The following ALOXE3 variants were observed in gnomAD, a reference collection of about 807,000 sequenced individuals.
The protein encoded by ALOXE3 is arachidonate epidermal lipoxygenase 3.
In ALOXE3, 78 loss-of-function variants were observed where a neutral mutation model predicts 87.5. The ratio of observed to expected loss-of-function variants is 0.89; its 90% CI spans 0.74 to 1.08. ALOXE3 has a LOEUF of 1.08. ALOXE3 is among the 50% of genes least tolerant of loss of function. The pLI, the probability that ALOXE3 is intolerant of heterozygous loss-of-function variation, is 0.00. For missense variants in ALOXE3, 946 were observed against 912.4 expected (o/e 1.04, Z -0.47); for synonymous variants, 363 against 370.8 (o/e 0.98, Z 0.24).
chr17:8,100,684 G>C (rs956068823), intron 15 of ALOXE3, among the ~76,000 whole-genome samples: 7 of 152,040 alleles, frequency 4.6e-5, no homozygotes, highest in Admixed American at 3.9e-4. Context: ...CACAGGCATG[G>C]TCATGCACAC....
At chr17:8,114,736 C>T in intron 5 of ALOXE3, 127 bp from the exon 6 acceptor site, 2 of 1,487,350 alleles carry the variant, frequency 1.3e-6, no homozygotes, top group Non-Finnish European at 1.8e-6. Context: ...CCTCCCCTGC[C>T]CTCTCTGCTC....
chr17:8,109,738 A>AGGAGACC (rs1979854997), intron 11 of ALOXE3, among the ~76,000 whole-genome samples, 178 bp downstream of exon 11: 1 of 151,298 alleles, frequency 6.6e-6, no homozygotes, highest in Middle Eastern at 3.2e-3. Context: ...GGGGGCCGGT[A>AGGAGACC]GGAGACCGGA....
intron 6 of ALOXE3, among the ~76,000 whole-genome samples, chr17:8,113,974 G>A (rs1055966409): frequency 1.2e-4 from 18 of 149,906 alleles, no homozygotes; most frequent in Admixed American, 2.0e-4. Context: ...GCGGTGAGCC[G>A]AGATCGCGGC....
At chr17:8,104,990 AGAC>A (rs1442600906) in intron 13 of ALOXE3, among the ~76,000 whole-genome samples, 11 of 152,104 alleles carry the variant, frequency 7.2e-5, no homozygotes, top group Non-Finnish European at 1.5e-4. Context: ...TCTGAGCTCC[AGAC>A]TCAGCCGTGG....
At chr17:8,117,318 G>T (rs1426978169) in intron 2 of ALOXE3, among the ~76,000 whole-genome samples, 1 of 152,224 alleles carries the variant, frequency 6.6e-6, no homozygotes, top group Non-Finnish European at 1.5e-5. Context: ...TACTTGGGAG[G>T]CTGAGGCAGG....
Position 8,109,726 on chromosome 17 carries a change from A to C in ALOXE3, c.1392+190T>G, listed in dbSNP as rs1349889715. Among the ~76,000 whole-genome samples, 5 of 149,542 alleles carry C rather than the reference A, an allele frequency of 3.3e-5. No individual in the cohort carries two copies. The East Asian group carries it at 9.8e-4, about 29-fold the overall frequency. On this transcript the variant is annotated intron_variant, in intron 11 of 15. Transcript: ENST00000448843. ...GGGGGCGGGGGAGACAGGGTCTGTG[A>C]AGGGGGCCGGTAGGAGACCGGAGAC...
intron 15 of ALOXE3, among the ~76,000 whole-genome samples, chr17:8,102,039 A>AGATGATGGGAACCAGTGATAAAGG (rs1297655435): frequency 6.6e-6 from 1 of 152,254 alleles, no homozygotes; most frequent in Non-Finnish European, 1.5e-5. Context: ...GTGGAAACAA[A>AGATGATGGGAACCAGTGATAAAGG]GATGATGGGA....
In ALOXE3 at chr17:8,096,759, C is replaced by T. The variant is rs576379012; in HGVS notation, c.2004G>A (p.Pro668=). 8 of 1,614,170 alleles carry T rather than the reference C, an allele frequency of 5.0e-6. No individual in the cohort carries two copies. The highest frequency in any genetic ancestry group is 2.2e-5 in the East Asian group (1 of 44,870). ...TCTGGAAGGCGGCGATGCTCCGCCT[C>T]GGGGCCTCCTCTGTGAAGTGCTCAT... ...YPDEHFTEEA[P]RRSIAAFQSR... Residue 668 remains proline, a synonymous_variant, in exon 16 of 16, where the codon CCG becomes CCA. Transcript: ENST00000448843.
At position 8,118,274 on chromosome 17, in the gene ALOXE3, C is replaced by T. The variant is rs1431541331; in HGVS notation, c.-284G>A. On this transcript the variant is annotated 5_prime_UTR_variant, in exon 2 of 16. In the 5' UTR this introduces an upstream ATG that the reference lacks. Coordinates refer to ENST00000448843, the MANE Select transcript of ALOXE3 (RefSeq NM_021628.3). ...ACAGCCGGTCCCTCTGGCTGGCTCA[C>T]CCAGATGGATATCAGGAGCCTGGGT... The T allele has an allele frequency of 1.3e-6, 2 of 1,551,626 alleles. No homozygotes were observed. The highest frequency in any genetic ancestry group is 3.9e-5 in the Admixed American group (2 of 50,972).
chr17:8,118,285 A>G lies in ALOXE3; in HGVS notation c.-295T>C, dbSNP rs575913104. 3.2e-4 allele frequency: 492 copies of G among 1,551,746 alleles called. No individual in the cohort carries two copies. The highest frequency in any genetic ancestry group is 1.5e-3 in the Admixed American group (78 of 50,998). On this transcript the variant is annotated 5_prime_UTR_variant, in exon 2 of 16. Coordinates refer to ENST00000448843, the MANE Select transcript of ALOXE3 (RefSeq NM_021628.3). ...CTCTGGCTGGCTCACCCAGATGGAT[A>G]TCAGGAGCCTGGGTTCCACTGCGGA...
At chr17:8,117,437 G>T (rs189800635) in intron 2 of ALOXE3, among the ~76,000 whole-genome samples, 1 of 152,142 alleles carries the variant, frequency 6.6e-6, no homozygotes, top group Non-Finnish European at 1.5e-5. Context: ...AAAAGAAAAA[G>T]GTGCCCGAGC....
At chr17:8,105,576 C>G (rs1456754069) in intron 13 of ALOXE3, among the ~76,000 whole-genome samples, 1 of 152,066 alleles carries the variant, frequency 6.6e-6, no homozygotes, top group African/African-American at 2.4e-5. Context: ...ACCTCAGCAC[C>G]TAGAACAATA....
intron 6 of ALOXE3, among the ~76,000 whole-genome samples, chr17:8,113,982 G>A (rs947580282): frequency 1.4e-4 from 21 of 151,592 alleles, no homozygotes; most frequent in East Asian, 3.9e-4. Context: ...CCGAGATCGC[G>A]GCACTGCACT....
chr17:8,107,947 A>G (rs1392115500), intron 13 of ALOXE3, among the ~76,000 whole-genome samples: 80 of 4,626 alleles, frequency 0.017, 4 homozygotes, highest in South Asian at 0.027. Flanking sequence ...GAAAGAAAGA[A>G]AGAAAGAAAG....
In ALOXE3 at chr17:8,109,363, C is replaced by A. The variant is rs774305049; in HGVS notation, c.1393-20G>T. The A allele has an allele frequency of 6.2e-6, 10 of 1,611,754 alleles. No homozygotes were observed. Among genetic ancestry groups the A allele is most frequent in the South Asian group, 1.1e-5 (1 of 90,912 alleles). ...CGTGACCTGAGGACACAGCACAGCTCGGCTCCCGGGCCGGCCCAATCCCCA... is the reference window on the plus strand; with the variant it reads ...CGTGACCTGAGGACACAGCACAGCTAGGCTCCCGGGCCGGCCCAATCCCCA... On this transcript the variant is annotated intron_variant, in intron 11 of 15. Transcript: ENST00000448843.
rs1979978665 is a variant in ALOXE3, at chr17:8,110,505, G to T, written c.981C>A (p.Asp327Glu). The change falls in exon 9 of 16, where the codon GAC becomes GAA. Residue 327 changes from aspartate to glutamate, a missense_variant. Coordinates refer to ENST00000448843, the MANE Select transcript of ALOXE3 (RefSeq NM_021628.3). The part of the protein sequence containing the change: ...ELERGNIFLA[D>E]YWILAEAPTH... ...TGGGGGCCTCCGCCAGGATCCAGTA[G>T]TCCGCTAGGAAGATGTTCCCCCTCT... The T allele has an allele frequency of 6.2e-6, 10 of 1,613,970 alleles. No homozygotes were observed. The highest frequency in any genetic ancestry group is 8.5e-6 in the Non-Finnish European group (10 of 1,179,918).
At chr17:8,107,561 A>T (rs1295167323) in intron 13 of ALOXE3, among the ~76,000 whole-genome samples, 1 of 151,824 alleles carries the variant, frequency 6.6e-6, no homozygotes, top group Non-Finnish European at 1.5e-5. Flanking sequence ...GCACTTTGGG[A>T]GGCTGAGGCG....
At chr17:8,116,107 G>A (rs3027219) in intron 3 of ALOXE3, among the ~76,000 whole-genome samples, 19 of 152,228 alleles carry the variant, frequency 1.2e-4, no homozygotes, top group Admixed American at 1.2e-3. Flanking sequence ...AGAGTTTATA[G>A]TGAGGTCTAT....
At chr17:8,108,729 TC>T in intron 12 of ALOXE3, 140 bp from the exon 13 acceptor site, 2 of 1,310,412 alleles carry the variant, frequency 1.5e-6, no homozygotes, top group Non-Finnish European at 2.1e-6. Flanking sequence ...GCAGCTGGAA[TC>T]TGAGTGGCCG....
Sources: gnomAD v4.1 joint callset for allele counts (sites outside exome capture counted in the v4.1 genomes callset) on GRCh38, gnomAD v4.1.1 for gene constraint, MANE v1.5 for transcripts, NCBI Gene and HGNC (gene_info 2026-07-23, HGNC 2026-07-21) for gene names.